Variants in GALNT14 observed in about 807,000 individuals in gnomAD.
GALNT14 encodes the protein UDP-GalNAc:polypeptide N-acetylgalactosaminyltransferase 14.
GALNT14 carries 60 observed loss-of-function variants against 77.5 expected under a neutral mutation model. The observed-to-expected ratio is 0.77, with a 90% CI of 0.63 to 0.96. The LOEUF (loss-of-function observed/expected upper bound fraction) is 0.96, where lower values mean the gene tolerates loss of function less well. Among genes scored for constraint, GALNT14 ranks in the 40% least tolerant of loss-of-function variants. The pLI is 0.00. For missense variants in GALNT14, 710 were observed against 731.0 expected, an observed-to-expected ratio of 0.97 and a Z score of 0.33; for synonymous variants, 280 against 281.7, an observed-to-expected ratio of 0.99 and a Z score of 0.06.
At chr2:31,089,840 AC>A (rs574496295) in intron 1 of GALNT14, among the ~76,000 whole-genome samples, 2 of 152,252 alleles carry the variant, frequency 1.3e-5, no homozygotes, top group South Asian at 4.1e-4. Flanking sequence ...CCTTGTTTAT[AC>A]CTGAAAGACA....
intron 1 of GALNT14, chr2:31,079,138 G>C: frequency 1.9e-6 from 2 of 1,068,040 alleles, no homozygotes; most frequent in South Asian, 3.2e-5. Flanking sequence ...TGGGACACCA[G>C]CTTGTTTGAA....
chr2:30,905,020 C>G, the GALNT14 span, among the ~76,000 whole-genome samples: 1 of 152,270 alleles, frequency 6.6e-6, no homozygotes, highest in African/African-American at 2.4e-5. Context: ...AGAAGGAAAA[C>G]TAACAAACAG....
chr2:30,999,254 G>T (rs1309390170), intron 1 of GALNT14, among the ~76,000 whole-genome samples: 2 of 152,086 alleles, frequency 1.3e-5, no homozygotes, highest in Non-Finnish European at 2.9e-5. Flanking sequence ...GTCCCAAATA[G>T]CCCACTCCAA....
At chr2:31,021,478 G>A (rs1671715354) in intron 1 of GALNT14, among the ~76,000 whole-genome samples, 1 of 151,668 alleles carries the variant, frequency 6.6e-6, no homozygotes. Flanking sequence ...CTAATTTTTT[G>A]TATATTTAGT....
intron 1 of GALNT14, among the ~76,000 whole-genome samples, chr2:31,066,849 C>G (rs925695361): frequency 2.0e-5 from 3 of 152,064 alleles, no homozygotes; most frequent in African/African-American, 7.2e-5. Context: ...AAGGAGAAAT[C>G]TAGTCACATA....
At chr2:31,101,855 C>T (rs1677293796) in intron 1 of GALNT14, among the ~76,000 whole-genome samples, 1 of 151,988 alleles carries the variant, frequency 6.6e-6, no homozygotes, top group Admixed American at 6.6e-5. Flanking sequence ...GTGGTGGTTT[C>T]CCCCATGCTG....
rs547362427 is a variant in GALNT14, at chr2:31,129,400, C to G, written c.129+8558G>C. The G allele has an allele frequency of 1.0e-5, 10 of 985,328 alleles. No homozygotes were observed. The South Asian group carries it at 1.4e-4, about 14-fold the overall frequency. The allele number at this position is 985,328 out of a possible 1,614,324, so 61.0% of individuals were successfully genotyped here. A position where few individuals can be genotyped will look rare whatever the true frequency, so the allele number is the denominator to read the frequency against. On this transcript the variant is annotated intron_variant, in intron 1 of 14. Transcript: ENST00000349752. ...TCTTATCTTCTTTTCCTGATTCACC[C>G]TTTAATTAGTAAAGTCTTTCAGCTA...
At chr2:31,078,198 A>G (rs1157800012) in intron 1 of GALNT14, among the ~76,000 whole-genome samples, 2 of 152,242 alleles carry the variant, frequency 1.3e-5, no homozygotes, top group Non-Finnish European at 2.9e-5. Flanking sequence ...GTCAATAGGG[A>G]CAACAGCTGA....
intron 1 of GALNT14, among the ~76,000 whole-genome samples, chr2:31,109,310 T>C (rs1290459793): frequency 6.6e-6 from 1 of 152,156 alleles, no homozygotes; most frequent in Non-Finnish European, 1.5e-5. Flanking sequence ...CTATGTAACA[T>C]TTCTCTGAAT....
intron 1 of GALNT14, among the ~76,000 whole-genome samples, chr2:31,117,109 G>T (rs1188983617): frequency 2.0e-5 from 3 of 152,058 alleles, no homozygotes; most frequent in Non-Finnish European, 2.9e-5. Flanking sequence ...TTTAAATATT[G>T]ATTATGTAAT....
chr2:30,924,394 G>A (rs2148231518), intron 12 of GALNT14, 131 bp from the exon 13 acceptor site: 1 of 935,642 alleles, frequency 1.1e-6, no homozygotes, highest in East Asian at 2.5e-5. Flanking sequence ...CACTGCTCGG[G>A]GAAGGGCAGG....
intron 1 of GALNT14, among the ~76,000 whole-genome samples, chr2:31,005,745 C>T (rs1446592169): frequency 6.6e-6 from 1 of 152,204 alleles, no homozygotes; most frequent in Non-Finnish European, 1.5e-5. Context: ...AATGTGAATG[C>T]TTCCTGGGAC....
In GALNT14 at chr2:30,949,616, G is replaced by A. The variant is rs149068241; in HGVS notation, c.655-3746C>T. Among the ~76,000 whole-genome samples, 31 of 152,294 alleles carry A rather than the reference G, an allele frequency of 2.0e-4. No individual in the cohort carries two copies. In the East Asian group the frequency reaches 5.0e-3, roughly 25 times the overall value. ...TACAAGAGGCTGAATGCATCAGCCC[G>A]TGGCCATCTACCACCCCTGCCATCA... On this transcript the variant is annotated intron_variant, in intron 6 of 14. Coordinates refer to ENST00000349752, the MANE Select transcript of GALNT14 (RefSeq NM_024572.4).
chr2:31,013,205 C>T (rs1462134806), intron 1 of GALNT14, among the ~76,000 whole-genome samples: 1 of 152,202 alleles, frequency 6.6e-6, no homozygotes, highest in African/African-American at 2.4e-5. Context: ...GATCCAACAT[C>T]AGAAAACTGG....
At chr2:31,056,724 C>T (rs150478595) in intron 1 of GALNT14, among the ~76,000 whole-genome samples, 415 of 152,310 alleles carry the variant, frequency 2.7e-3, no homozygotes, top group Middle Eastern at 0.01. Flanking sequence ...ATTTTTTAAA[C>T]TCGTGATATA....
chr2:30,919,619 T>C (rs1664914600), intron 13 of GALNT14, among the ~76,000 whole-genome samples: 1 of 152,154 alleles, frequency 6.6e-6, no homozygotes, highest in Non-Finnish European at 1.5e-5. Context: ...CCTGGGTTCA[T>C]ACATGGTCCT....
chr2:30,966,343 A>G (rs1200795256), intron 2 of GALNT14, 41 bp from the exon 3 acceptor site: 1 of 1,450,110 alleles, frequency 6.9e-7, no homozygotes, highest in African/African-American at 1.4e-5. Flanking sequence ...ACCTTCAGGG[A>G]CAAAGCATAT....
At chr2:31,115,941 G>C (rs937831222) in intron 1 of GALNT14, among the ~76,000 whole-genome samples, 20 of 152,182 alleles carry the variant, frequency 1.3e-4, no homozygotes, top group Middle Eastern at 6.8e-3. Flanking sequence ...GGATCTTTTG[G>C]GCCCAGGAGT....
chr2:31,075,477 C>T (rs1285363442), intron 1 of GALNT14, among the ~76,000 whole-genome samples: 1 of 152,188 alleles, frequency 6.6e-6, no homozygotes, highest in African/African-American at 2.4e-5. Context: ...ACAATCTCTG[C>T]GTCCTGGAGA....
Sources: allele counts gnomAD v4.1 joint callset (sites outside exome capture counted in the v4.1 genomes callset), GRCh38; gene constraint gnomAD v4.1.1; transcripts MANE v1.5; gene names NCBI Gene and HGNC (gene_info 2026-07-23, HGNC 2026-07-21).